Variants in EXOC6B observed in about 807,000 individuals in gnomAD.
EXOC6B encodes the protein SEC15 homolog B.
EXOC6B carries 54 observed loss-of-function variants against 113.5 expected under a neutral mutation model. The ratio of observed to expected loss-of-function variants is 0.48; its 90% CI spans 0.38 to 0.60. EXOC6B has a LOEUF of 0.60. EXOC6B is among the 20% of genes least tolerant of loss of function. The pLI, the probability that EXOC6B is intolerant of heterozygous loss-of-function variation, is 0.00. For synonymous variants in EXOC6B, 357 were observed against 339.0 expected, an observed-to-expected ratio of 1.05 and a Z score of -0.58; for missense variants, 797 against 977.5, an observed-to-expected ratio of 0.82 and a Z score of 2.46.
At chr2:72,335,185 C>T (rs879020260) in intron 19 of EXOC6B, 165 bp from the exon 20 acceptor site, 13 of 615,118 alleles carry the variant, frequency 2.1e-5, no homozygotes, top group Admixed American at 1.2e-4. Context: ...CTTCAAAATT[C>T]GTGTCATCAA....
chr2:72,789,303 CT>C (rs749572038), intron 1 of EXOC6B, among the ~76,000 whole-genome samples: 16 of 152,180 alleles, frequency 1.1e-4, no homozygotes, highest in Non-Finnish European at 2.1e-4. Context: ...CGTGGTACAT[CT>C]AGCTCCAAGC....
At chr2:72,796,164 T>C (rs1445758409) in intron 1 of EXOC6B, among the ~76,000 whole-genome samples, 1 of 143,644 alleles carries the variant, frequency 7.0e-6, no homozygotes, top group South Asian at 2.4e-4. Flanking sequence ...CAAAAGAAAC[T>C]CAGAGAGGCT....
At chr2:72,765,170 C>A (rs1182050018) in intron 1 of EXOC6B, among the ~76,000 whole-genome samples, 1 of 152,062 alleles carries the variant, frequency 6.6e-6, no homozygotes, top group Admixed American at 6.5e-5. Context: ...GTGGCACATG[C>A]CTGTAGTCCC....
At chr2:72,581,791 C>T (rs1168091536) in intron 6 of EXOC6B, among the ~76,000 whole-genome samples, 1 of 150,632 alleles carries the variant, frequency 6.6e-6, no homozygotes, top group Admixed American at 6.6e-5. Flanking sequence ...TCTCCTTCAG[C>T]ACTAGTGCTT....
intron 8 of EXOC6B, among the ~76,000 whole-genome samples, chr2:72,533,153 C>A (rs758087703): frequency 6.6e-6 from 1 of 152,130 alleles, no homozygotes; most frequent in South Asian, 2.1e-4. Context: ...ACAAACTGCA[C>A]AATAACCTGG....
At chr2:72,658,708 TGA>T (rs1343595124) in intron 6 of EXOC6B, among the ~76,000 whole-genome samples, 1 of 152,094 alleles carries the variant, frequency 6.6e-6, no homozygotes, top group Non-Finnish European at 1.5e-5. Context: ...ATACTTCTAT[TGA>T]GAGTTAGTAT....
chr2:72,705,378 T>TG (rs1287661571), intron 6 of EXOC6B, among the ~76,000 whole-genome samples: 1 of 152,124 alleles, frequency 6.6e-6, no homozygotes, highest in Non-Finnish European at 1.5e-5. Flanking sequence ...TCATACTGAA[T>TG]GGGAAAAAAC....
intron 7 of EXOC6B, among the ~76,000 whole-genome samples, chr2:72,563,987 T>C (rs1038634038): frequency 2.0e-5 from 3 of 152,144 alleles, no homozygotes; most frequent in African/African-American, 7.2e-5. Context: ...TTCTACTATT[T>C]TAAAAGACTC....
intron 7 of EXOC6B, among the ~76,000 whole-genome samples, chr2:72,568,852 A>T (rs1210248399): frequency 6.6e-6 from 1 of 152,010 alleles, no homozygotes; most frequent in Non-Finnish European, 1.5e-5. Flanking sequence ...TTTTTGAATA[A>T]TCAATGAGAA....
At chr2:72,652,268 C>T (rs755848586) in intron 6 of EXOC6B, among the ~76,000 whole-genome samples, 1 of 150,874 alleles carries the variant, frequency 6.6e-6, no homozygotes, top group Non-Finnish European at 1.5e-5. Context: ...GAAAGGAGGC[C>T]AAAAAAATGT....
intron 6 of EXOC6B, among the ~76,000 whole-genome samples, chr2:72,632,924 C>T (rs115382456): frequency 0.012 from 1,898 of 152,294 alleles, 21 homozygotes; most frequent in Non-Finnish European, 0.021. Context: ...GATCGTCCCA[C>T]CTCAGCCTCT....
intron 17 of EXOC6B, among the ~76,000 whole-genome samples, chr2:72,471,244 T>C (rs954713349): frequency 2.6e-5 from 4 of 152,368 alleles, no homozygotes; most frequent in African/African-American, 9.6e-5. Context: ...TTCACGTGTC[T>C]TTTGGCTGCA....
chr2:72,457,829 C>G (rs953424165), intron 18 of EXOC6B, among the ~76,000 whole-genome samples: 2 of 152,160 alleles, frequency 1.3e-5, no homozygotes, highest in African/African-American at 4.8e-5. Flanking sequence ...GGCAGGCTGC[C>G]TAAGTCACAA....
Position 72,810,549 on chromosome 2 carries a change from G to T in EXOC6B, c.113+15249C>A, listed in dbSNP as rs2105125082. Among the ~76,000 whole-genome samples the T allele has an allele frequency of 2.6e-5, 4 of 151,760 alleles. No individual in the cohort carries two copies. In the South Asian group the frequency reaches 8.3e-4, roughly 32 times the overall value. On this transcript the variant is annotated intron_variant, in intron 1 of 21. Transcript: ENST00000272427. ...AATAATCTATGCTCCTATACCACAAGAACCTAGGAAGAAAAAAGTAAAATA... is the reference window on the plus strand; with the variant it reads ...AATAATCTATGCTCCTATACCACAATAACCTAGGAAGAAAAAAGTAAAATA...
chr2:72,664,447 A>G (rs180788998), intron 6 of EXOC6B, among the ~76,000 whole-genome samples: 1 of 152,182 alleles, frequency 6.6e-6, no homozygotes, highest in African/African-American at 2.4e-5. Context: ...CTTGCCACGA[A>G]ACTCTGGGAT....
intron 11 of EXOC6B, among the ~76,000 whole-genome samples, chr2:72,501,603 C>A (rs1700321867): frequency 6.6e-6 from 1 of 151,762 alleles, no homozygotes; most frequent in Non-Finnish European, 1.5e-5. Context: ...TTTAAAATTT[C>A]CACTAGTGTT....
At chr2:72,806,808 T>A (rs917554256) in intron 1 of EXOC6B, among the ~76,000 whole-genome samples, 1 of 152,222 alleles carries the variant, frequency 6.6e-6, no homozygotes, top group African/African-American at 2.4e-5. Flanking sequence ...TTTTTTCATA[T>A]GCTTGTTGGC....
At chr2:72,752,789 A>G (rs535985167) in intron 1 of EXOC6B, among the ~76,000 whole-genome samples, 17 of 152,270 alleles carry the variant, frequency 1.1e-4, no homozygotes, top group Admixed American at 8.5e-4. Flanking sequence ...TTTTAATTTC[A>G]TCATTTACTT....
chr2:72,484,498 C>A (rs1471683697), intron 16 of EXOC6B, among the ~76,000 whole-genome samples: 3 of 143,774 alleles, frequency 2.1e-5, no homozygotes, highest in Non-Finnish European at 4.5e-5. Flanking sequence ...ACCCAGGAGG[C>A]GGAGCTTGCA....
Sources: gnomAD v4.1 joint callset for allele counts (sites outside exome capture counted in the v4.1 genomes callset) on GRCh38, gnomAD v4.1.1 for gene constraint, MANE v1.5 for transcripts, NCBI Gene and HGNC (gene_info 2026-07-23, HGNC 2026-07-21) for gene names.